Variants in LRRC7 observed in about 807,000 individuals in gnomAD.
The protein encoded by LRRC7 is leucine-rich repeat-containing protein 7.
In LRRC7, 23 loss-of-function variants were observed where a neutral mutation model predicts 175.7. The observed-to-expected ratio is 0.13, with a 90% CI of 0.09 to 0.19. The LOEUF is 0.19. Among genes scored for constraint, LRRC7 ranks in the 10% least tolerant of loss-of-function variants. The pLI, the probability that LRRC7 is intolerant of heterozygous loss-of-function variation, is 1.00. For missense variants in LRRC7, 1,354 were observed against 1,904.7 expected (o/e 0.71, Z 5.38); for synonymous variants, 685 against 680.9 (o/e 1.01, Z -0.09).
intron 11 of LRRC7, 47 bp from the exon 12 acceptor site, chr1:70,011,750 T>C (rs1656528812): frequency 7.3e-7 from 1 of 1,366,346 alleles, no homozygotes; most frequent in Non-Finnish European, 1.0e-6. Flanking sequence ...CAAAACATTT[T>C]GCTATCTAAC....
rs930109523 is a variant in LRRC7 at position 70,124,331 on chromosome 1, G to T, written c.*2444G>T. On this transcript the variant is annotated 3_prime_UTR_variant, in exon 27 of 27. Coordinates refer to ENST00000651989, the MANE Select transcript of LRRC7 (RefSeq NM_001370785.2). Reference sequence around the variant, plus strand: ...CTTGAGGTCAGTTCAAGACCAGCCTGGCCAACATGGTGAAACGCCATCTCT... The same window carrying T: ...CTTGAGGTCAGTTCAAGACCAGCCTTGCCAACATGGTGAAACGCCATCTCT... Among the ~76,000 whole-genome samples, 4 of 152,136 alleles carry T rather than the reference G, an allele frequency of 2.6e-5. No individual in the cohort carries two copies. The highest frequency in any genetic ancestry group is 1.5e-5 in the Non-Finnish European group (1 of 68,036).
chr1:69,684,339 T>A (rs1660857731), intron 2 of LRRC7, among the ~76,000 whole-genome samples: 1 of 150,152 alleles, frequency 6.7e-6, no homozygotes, highest in Non-Finnish European at 1.5e-5. Flanking sequence ...ATCACAAGAA[T>A]CTGCTGGAAA....
intron 2 of LRRC7, among the ~76,000 whole-genome samples, chr1:69,719,736 T>G (rs1666146106): frequency 6.6e-6 from 1 of 151,658 alleles, no homozygotes; most frequent in Admixed American, 6.6e-5. Flanking sequence ...TTCATGTATA[T>G]TGTAAAAACC....
intron 18 of LRRC7, among the ~76,000 whole-genome samples, chr1:70,028,801 C>T (rs1558002930): frequency 1.3e-5 from 2 of 152,082 alleles, no homozygotes; most frequent in Non-Finnish European, 2.9e-5. Context: ...TGGGTTACAA[C>T]TTTTCTAGGA....
intron 4 of LRRC7, among the ~76,000 whole-genome samples, chr1:69,804,106 A>G (rs1676838443): frequency 6.6e-6 from 1 of 151,268 alleles, no homozygotes; most frequent in African/African-American, 2.4e-5. Flanking sequence ...GCTCTAATAC[A>G]TTTGGGACCT....
At chr1:69,977,210 C>A (rs1220213130) in intron 8 of LRRC7, among the ~76,000 whole-genome samples, 1 of 152,114 alleles carries the variant, frequency 6.6e-6, no homozygotes. Flanking sequence ...TCCTCATTAC[C>A]TCTTTCATTA....
chr1:69,678,828 A>G (rs1295729453), intron 2 of LRRC7, among the ~76,000 whole-genome samples: 1 of 152,200 alleles, frequency 6.6e-6, no homozygotes, highest in African/African-American at 2.4e-5. Context: ...TTTGAAATGT[A>G]TCTAAAGTCA....
At chr1:70,055,829 G>A (rs191886134) in intron 23 of LRRC7, among the ~76,000 whole-genome samples, 1 of 152,290 alleles carries the variant, frequency 6.6e-6, no homozygotes, top group Admixed American at 6.5e-5. Context: ...AATTCAACAT[G>A]ACATTTGGGT....
chr1:69,977,351 A>G (rs1456008149), intron 8 of LRRC7, among the ~76,000 whole-genome samples: 1 of 152,198 alleles, frequency 6.6e-6, no homozygotes, highest in Non-Finnish European at 1.5e-5. Flanking sequence ...CTTATGCAAC[A>G]AAGTCTATCT....
intron 4 of LRRC7, among the ~76,000 whole-genome samples, chr1:69,808,952 C>T (rs1026013706): frequency 1.3e-5 from 2 of 151,946 alleles, no homozygotes; most frequent in Admixed American, 6.6e-5. Context: ...GAGATAGAAA[C>T]ATGAAAATCC....
chr1:69,877,125 A>C (rs1686113723), intron 7 of LRRC7, among the ~76,000 whole-genome samples: 1 of 152,206 alleles, frequency 6.6e-6, no homozygotes, highest in African/African-American at 2.4e-5. Flanking sequence ...GTAGACAGAG[A>C]AGAAACTGTG....
chr1:69,655,416 A>G (rs1002555660), intron 1 of LRRC7, among the ~76,000 whole-genome samples: 6 of 151,884 alleles, frequency 4.0e-5, no homozygotes, highest in African/African-American at 1.5e-4. Context: ...TGCATGTTGT[A>G]TTCGCCACCA....
intron 25 of LRRC7, among the ~76,000 whole-genome samples, chr1:70,104,088 C>T (rs1282191695): frequency 6.6e-6 from 1 of 152,172 alleles, no homozygotes; most frequent in African/African-American, 2.4e-5. Flanking sequence ...ATATTTGATA[C>T]ACACAAGTTG....
At chr1:69,638,117 T>G (rs1653678115) in intron 1 of LRRC7, among the ~76,000 whole-genome samples, 1 of 151,906 alleles carries the variant, frequency 6.6e-6, no homozygotes, top group African/African-American at 2.4e-5. Context: ...GCCAAGTTTA[T>G]TTTGTTTGTT....
At chr1:69,949,863 G>A (rs1478658938) in intron 8 of LRRC7, among the ~76,000 whole-genome samples, 1 of 152,062 alleles carries the variant, frequency 6.6e-6, no homozygotes, top group East Asian at 1.9e-4. Flanking sequence ...AAGCAATTCT[G>A]ACATCCCAGA....
chr1:69,932,717 A>T (rs540369457), intron 8 of LRRC7, among the ~76,000 whole-genome samples: 1 of 152,200 alleles, frequency 6.6e-6, no homozygotes, highest in Admixed American at 6.5e-5. Flanking sequence ...AAAAATTGCT[A>T]GTCTCTCATG....
chr1:70,072,208 A>G (rs909632568), intron 23 of LRRC7, among the ~76,000 whole-genome samples: 1 of 152,116 alleles, frequency 6.6e-6, no homozygotes, highest in Non-Finnish European at 1.5e-5. Flanking sequence ...AATTTTCTCT[A>G]TTTCTTTTTA....
At chr1:69,732,864 A>G (rs1667726527) in intron 2 of LRRC7, among the ~76,000 whole-genome samples, 1 of 152,092 alleles carries the variant, frequency 6.6e-6, no homozygotes, top group Non-Finnish European at 1.5e-5. Flanking sequence ...GATATAAAGC[A>G]TATTTATGGT....
intron 1 of LRRC7, among the ~76,000 whole-genome samples, chr1:69,582,780 G>A (rs984954569): frequency 6.6e-6 from 1 of 152,176 alleles, no homozygotes; most frequent in African/African-American, 2.4e-5. Context: ...TCCACCAACT[G>A]TTGAGTTCCC....
Sources: allele counts gnomAD v4.1 joint callset (sites outside exome capture counted in the v4.1 genomes callset), GRCh38; gene constraint gnomAD v4.1.1; transcripts MANE v1.5; gene names NCBI Gene and HGNC (gene_info 2026-07-23, HGNC 2026-07-21).